Variants in CNTNAP2 observed in about 807,000 individuals in gnomAD.
The protein encoded by CNTNAP2 is contactin associated protein 2.
Under a neutral mutation model 155.2 loss-of-function variants are expected in CNTNAP2, and 98 were observed. The observed-to-expected ratio is 0.63, with a 90% CI of 0.54 to 0.75. The LOEUF is 0.75. Among genes scored for constraint, CNTNAP2 ranks in the 30% least tolerant of loss-of-function variants. CNTNAP2 has a pLI of 0.00. For synonymous variants in CNTNAP2, 651 were observed against 631.2 expected, an observed-to-expected ratio of 1.03 and a Z score of -0.47; for missense variants, 1,727 against 1,688.1, an observed-to-expected ratio of 1.02 and a Z score of -0.40.
At chr7:147,908,809 A>C (rs373767406) in intron 14 of CNTNAP2, among the ~76,000 whole-genome samples, 20 of 152,238 alleles carry the variant, frequency 1.3e-4, no homozygotes, top group East Asian at 5.8e-4. Context: ...TATTTTCAAT[A>C]ATCTGAATCA....
intron 1 of CNTNAP2, among the ~76,000 whole-genome samples, chr7:146,566,715 A>T (rs79695033): frequency 0.02 from 2,141 of 109,260 alleles, 19 homozygotes; most frequent in Non-Finnish European, 0.027. Context: ...AAATAAAAAT[A>T]AAAATTAAAA....
intron 14 of CNTNAP2, among the ~76,000 whole-genome samples, chr7:147,959,068 C>A (rs531576025): frequency 6.6e-6 from 1 of 152,272 alleles, no homozygotes; most frequent in South Asian, 2.1e-4. Flanking sequence ...AAAAACTTAT[C>A]ATTCCTTTCT....
In CNTNAP2 at chr7:146,398,340, CCTT is replaced by C. The variant is rs575744145; in HGVS notation, c.97+281372_97+281374del. ...ATGGTGGAAAGGGAAACAAGCATGT[CCTT>C]CTTCACGTGGTGGCAAGAAGAAGAA... On this transcript the variant is annotated intron_variant, in intron 1 of 23. Coordinates refer to ENST00000361727, the MANE Select transcript of CNTNAP2 (RefSeq NM_014141.6). Among the ~76,000 whole-genome samples, 9 of 152,076 alleles carry C rather than the reference CCTT, an allele frequency of 5.9e-5. No individual in the cohort carries two copies. In the South Asian group the frequency reaches 1.2e-3, roughly 21 times the overall value.
At chr7:148,388,365 A>G (rs1400660331) in intron 22 of CNTNAP2, among the ~76,000 whole-genome samples, 5 of 139,008 alleles carry the variant, frequency 3.6e-5, no homozygotes, top group African/African-American at 5.4e-5. Context: ...TCATTGTTCA[A>G]TTCCCACCTA....
chr7:147,569,748 G>C (rs563321823), intron 12 of CNTNAP2, among the ~76,000 whole-genome samples: 1 of 152,268 alleles, frequency 6.6e-6, no homozygotes, highest in African/African-American at 2.4e-5. Flanking sequence ...ACACATGACT[G>C]TACTATTTTC....
At position 147,601,644 on chromosome 7, in the gene CNTNAP2, A is replaced by AAATATAT. The variant is rs1299075338; in HGVS notation, c.1898-37461_1898-37460insATATATA. 2.6e-3 allele frequency among the ~76,000 whole-genome samples: 223 copies of AAATATAT among 87,404 alleles called. 1 individual carries two copies. Among genetic ancestry groups the AAATATAT allele is most frequent in the Middle Eastern group, 5.1e-3 (1 of 196 alleles). The allele number at this position is 87,404 out of a possible 152,430, so 57.3% of individuals were successfully genotyped here. A position where few individuals can be genotyped will look rare whatever the true frequency, so the allele number is the denominator to read the frequency against. ...TTAAAGACATTGACTCTTAAAAAAA[A>AAATATAT]ATATATATATATATATATATATATA... On this transcript the variant is annotated intron_variant, in intron 12 of 23. Transcript: ENST00000361727.
At chr7:148,057,671 C>T (rs923696555) in intron 15 of CNTNAP2, among the ~76,000 whole-genome samples, 1 of 152,140 alleles carries the variant, frequency 6.6e-6, no homozygotes, top group African/African-American at 2.4e-5. Flanking sequence ...GTACCTCCTA[C>T]CCTCAGTTAA....
intron 9 of CNTNAP2, among the ~76,000 whole-genome samples, chr7:147,308,266 G>A (rs1795066509): frequency 6.6e-6 from 1 of 152,118 alleles, no homozygotes; most frequent in African/African-American, 2.4e-5. Context: ...AGGTGAGGTT[G>A]GATTGTGAAG....
chr7:146,862,988 T>C (rs1795134290), intron 3 of CNTNAP2, among the ~76,000 whole-genome samples: 1 of 152,158 alleles, frequency 6.6e-6, no homozygotes, highest in Non-Finnish European at 1.5e-5. Flanking sequence ...GGCAATTGTA[T>C]TGGATTTATA....
At chr7:148,414,980 G>A (rs1799944618) in intron 23 of CNTNAP2, 2 of 277,634 alleles carry the variant, frequency 7.2e-6, no homozygotes, top group African/African-American at 4.3e-5. Flanking sequence ...GCTCTCTCGC[G>A]CGCCCACTCT....
At chr7:146,508,335 C>G (rs1263827310) in intron 1 of CNTNAP2, among the ~76,000 whole-genome samples, 1 of 152,166 alleles carries the variant, frequency 6.6e-6, no homozygotes, top group African/African-American at 2.4e-5. Flanking sequence ...CTTGTAAAAC[C>G]AAGCTGTGAA....
intron 1 of CNTNAP2, among the ~76,000 whole-genome samples, chr7:146,191,944 C>T (rs956127343): frequency 1.3e-5 from 2 of 151,910 alleles, no homozygotes; most frequent in African/African-American, 4.8e-5. Context: ...CCTCAGCTTA[C>T]GAAGATGACA....
chr7:146,819,231 G>A (rs7786153), intron 2 of CNTNAP2, among the ~76,000 whole-genome samples: 3,729 of 152,198 alleles, frequency 0.025, 173 homozygotes, highest in African/African-American at 0.087. Context: ...GAACATATTG[G>A]TGCACATTAT....
intron 20 of CNTNAP2, among the ~76,000 whole-genome samples, chr7:148,253,048 AGACAGAT>A (rs752627742): frequency 0.012 from 841 of 69,476 alleles, 10 homozygotes; most frequent in African/African-American, 0.024. Context: ...ATAGATAGAT[AGACAGAT>A]GATAGATAGA....
chr7:146,778,242 T>TTCCTATG (rs1802424254), intron 2 of CNTNAP2, among the ~76,000 whole-genome samples: 2 of 152,210 alleles, frequency 1.3e-5, no homozygotes, highest in South Asian at 4.1e-4. Context: ...GAGAGAAAGT[T>TTCCTATG]TATAAATACA....
chr7:148,166,069 C>T lies in CNTNAP2; in HGVS notation c.2774-6173C>T, dbSNP rs184965826. On this transcript the variant is annotated intron_variant, in intron 17 of 23. Transcript: ENST00000361727. The stretch of plus-strand genomic sequence containing the variant: ...TGTCACTTCCTCAGTGGGGCCTATC[C>T]TAACCACCCTACTTGAAATTGCAGC... Among the ~76,000 whole-genome samples, 345 of 152,076 alleles carry T rather than the reference C, an allele frequency of 2.3e-3. 4 individuals carry two copies. Among genetic ancestry groups the T allele is most frequent in the Non-Finnish European group, 2.9e-3 (196 of 67,998 alleles).
At chr7:147,300,055 TG>T (rs1794913462) in intron 8 of CNTNAP2, 85 bp from the exon 9 acceptor site, 1 of 1,409,886 alleles carries the variant, frequency 7.1e-7, no homozygotes, top group Non-Finnish European at 1.0e-6. Flanking sequence ...TACTTTTATT[TG>T]TAAAATCGTG....
intron 15 of CNTNAP2, among the ~76,000 whole-genome samples, chr7:148,044,254 G>T (rs114264302): frequency 5.8e-4 from 84 of 145,588 alleles, no homozygotes; most frequent in African/African-American, 2.1e-3. Context: ...CCGTGTTCTA[G>T]CTCCGACCCA....
chr7:147,894,654 C>T (rs77349323), intron 13 of CNTNAP2, among the ~76,000 whole-genome samples: 4,982 of 151,896 alleles, frequency 0.033, 129 homozygotes, highest in Non-Finnish European at 0.053. Context: ...GATTATATAC[C>T]CTTGTGGTGT....
Sources: gnomAD v4.1 joint callset for allele counts (sites outside exome capture counted in the v4.1 genomes callset) on GRCh38, gnomAD v4.1.1 for gene constraint, MANE v1.5 for transcripts, NCBI Gene and HGNC (gene_info 2026-07-23, HGNC 2026-07-21) for gene names.